The following NRG3 variants were observed in gnomAD, a reference collection of about 807,000 sequenced individuals.
The protein encoded by NRG3 is pro-neuregulin-3, membrane-bound isoform.
NRG3 carries 31 observed loss-of-function variants against 66.9 expected under a neutral mutation model. That is an observed-to-expected ratio of 0.46 (90% CI 0.35 to 0.63). The LOEUF (loss-of-function observed/expected upper bound fraction) is 0.63. NRG3 is among the 20% of genes least tolerant of loss of function. NRG3 has a pLI of 0.00. For missense variants in NRG3, 910 were observed against 878.9 expected (o/e 1.04, Z -0.45); for synonymous variants, 393 against 359.4 (o/e 1.09, Z -1.06).
At chr10:82,117,985 G>T (rs2067830298) in intron 1 of NRG3, among the ~76,000 whole-genome samples, 1 of 152,072 alleles carries the variant, frequency 6.6e-6, no homozygotes, top group Non-Finnish European at 1.5e-5. Flanking sequence ...AGACTAAATG[G>T]ATTATTGTAC....
chr10:82,271,658 C>T (rs1315892544), intron 1 of NRG3, among the ~76,000 whole-genome samples: 1 of 152,036 alleles, frequency 6.6e-6, no homozygotes, highest in African/African-American at 2.4e-5. Context: ...TGCTGGTTTA[C>T]TGTTTTCCTG....
At chr10:82,880,928 A>T (rs973736723) in intron 4 of NRG3, among the ~76,000 whole-genome samples, 1 of 152,196 alleles carries the variant, frequency 6.6e-6, no homozygotes, top group Admixed American at 6.5e-5. Flanking sequence ...ACCCACTTCT[A>T]TCTCACACTC....
intron 6 of NRG3, among the ~76,000 whole-genome samples, chr10:82,964,040 G>A (rs374098489): frequency 7.9e-5 from 12 of 152,216 alleles, no homozygotes; most frequent in South Asian, 2.1e-4. Context: ...TAGCCTAAAC[G>A]CTGATTTATT....
At chr10:82,096,808 A>G (rs191774504) in intron 1 of NRG3, among the ~76,000 whole-genome samples, 17 of 152,322 alleles carry the variant, frequency 1.1e-4, no homozygotes, top group South Asian at 8.3e-4. Context: ...ATAAGCCAAC[A>G]TAATAATCCA....
At chr10:82,397,012 T>G (rs1296046309) in intron 2 of NRG3, among the ~76,000 whole-genome samples, 1 of 152,172 alleles carries the variant, frequency 6.6e-6, no homozygotes, top group Admixed American at 6.5e-5. Context: ...TTTCTGTGAG[T>G]CTCCAATGTC....
At chr10:82,005,056 C>G (rs762097209) in intron 1 of NRG3, among the ~76,000 whole-genome samples, 2 of 152,128 alleles carry the variant, frequency 1.3e-5, no homozygotes, top group Non-Finnish European at 2.9e-5. Flanking sequence ...ATTATAAATG[C>G]CAGTTTACAG....
chr10:82,114,951 G>A (rs1485935181), intron 1 of NRG3, among the ~76,000 whole-genome samples: 4 of 152,178 alleles, frequency 2.6e-5, no homozygotes, highest in Non-Finnish European at 5.9e-5. Context: ...TTTGGAGGAC[G>A]TGTCTGTCTT....
intron 1 of NRG3, among the ~76,000 whole-genome samples, chr10:82,307,980 C>T (rs943974060): frequency 2.6e-5 from 4 of 151,800 alleles, no homozygotes; most frequent in African/African-American, 9.7e-5. Context: ...ATCAGTATTT[C>T]TCACTTGTGA....
intron 1 of NRG3, among the ~76,000 whole-genome samples, chr10:81,982,009 TA>T (rs1334459932): frequency 1.3e-5 from 2 of 152,228 alleles, no homozygotes; most frequent in Non-Finnish European, 2.9e-5. Context: ...ACATACCTTT[TA>T]TTTTTTTTCA....
chr10:82,782,884 A>G, intron 3 of NRG3, among the ~76,000 whole-genome samples: 1 of 152,192 alleles, frequency 6.6e-6, no homozygotes, highest in East Asian at 1.9e-4. Flanking sequence ...CTGATACCAA[A>G]GACGGGCAGA....
chr10:81,971,513 G>T (rs1039106121), intron 1 of NRG3, among the ~76,000 whole-genome samples: 5 of 152,228 alleles, frequency 3.3e-5, no homozygotes, highest in Non-Finnish European at 5.9e-5. Context: ...TTCTGGCCCA[G>T]TTGGAGTAAA....
chr10:82,807,429 G>T (rs1034473399), intron 3 of NRG3, among the ~76,000 whole-genome samples: 2 of 152,152 alleles, frequency 1.3e-5, no homozygotes, highest in African/African-American at 4.8e-5. Context: ...TTGCAACGGG[G>T]TGTGTGGAGT....
chr10:82,311,752 C>T (rs975586062), intron 1 of NRG3, among the ~76,000 whole-genome samples: 1 of 152,056 alleles, frequency 6.6e-6, no homozygotes, highest in South Asian at 2.1e-4. Context: ...TTACTATTGC[C>T]ACCACTCCCC....
chr10:82,838,711 G>A (rs933166130), intron 3 of NRG3, among the ~76,000 whole-genome samples: 1 of 151,902 alleles, frequency 6.6e-6, no homozygotes, highest in African/African-American at 2.4e-5. Context: ...TCTTAGTTCT[G>A]TTTTAATTAT....
At chr10:82,552,100 C>T (rs1215826893) in intron 2 of NRG3, among the ~76,000 whole-genome samples, 1 of 152,048 alleles carries the variant, frequency 6.6e-6, no homozygotes, top group African/African-American at 2.4e-5. Flanking sequence ...TTTTCTTCAA[C>T]AGGTGCAAAA....
intron 2 of NRG3, among the ~76,000 whole-genome samples, chr10:82,603,058 G>A (rs1362225634): frequency 6.6e-6 from 1 of 152,184 alleles, no homozygotes; most frequent in Non-Finnish European, 1.5e-5. Flanking sequence ...TCTAATGTTG[G>A]AATCTGGTAC....
intron 1 of NRG3, among the ~76,000 whole-genome samples, chr10:81,964,395 C>CA (rs58231167): frequency 0.015 from 979 of 65,216 alleles, 13 homozygotes; most frequent in Non-Finnish European, 0.017. Flanking sequence ...GACTCTGTCT[C>CA]AAAAAAAAAA....
At chr10:82,074,483 G>C (rs2064983685) in intron 1 of NRG3, among the ~76,000 whole-genome samples, 1 of 152,114 alleles carries the variant, frequency 6.6e-6, no homozygotes, top group Non-Finnish European at 1.5e-5. Context: ...TGAAAAAATA[G>C]ACTATAACAC....
At chr10:82,387,079 C>T (rs1411578508) in intron 2 of NRG3, among the ~76,000 whole-genome samples, 5 of 152,338 alleles carry the variant, frequency 3.3e-5, no homozygotes, top group African/African-American at 9.6e-5. Flanking sequence ...GGATTATAGG[C>T]GTAAGCCACC....
Sources: gnomAD v4.1 joint callset for allele counts (sites outside exome capture counted in the v4.1 genomes callset) on GRCh38, gnomAD v4.1.1 for gene constraint, MANE v1.5 for transcripts, NCBI Gene and HGNC (gene_info 2026-07-23, HGNC 2026-07-21) for gene names.